Variants in PBX1 observed in about 807,000 individuals in gnomAD.
PBX1 encodes the protein PBX homeobox 1.
Under a neutral mutation model 53.4 loss-of-function variants are expected in PBX1, and 6 were observed. The ratio of observed to expected loss-of-function variants is 0.11; its 90% CI spans 0.06 to 0.22. The LOEUF is 0.22. Among genes scored for constraint, PBX1 ranks in the 10% least tolerant of loss-of-function variants. The probability of loss-of-function intolerance (pLI) is 1.00; values close to 1 mark genes in which losing one functional copy is unlikely to be tolerated. For synonymous variants in PBX1, 204 were observed against 212.3 expected (o/e 0.96, Z 0.34); for missense variants, 251 against 551.4 (o/e 0.46, Z 5.46).
chr1:164,848,764 G>T lies in PBX1; in HGVS notation c.*2088G>T. ...AGGGAGAAGTATGAGACCCTGAGGGGTGAGAATGGGCAGCTAGCAAGAACA... is the reference window on the plus strand; with the variant it reads ...AGGGAGAAGTATGAGACCCTGAGGGTTGAGAATGGGCAGCTAGCAAGAACA... On this transcript the variant is annotated 3_prime_UTR_variant, in exon 9 of 9. Coordinates refer to ENST00000420696, the MANE Select transcript of PBX1 (RefSeq NM_002585.4). 9.4e-7 allele frequency: 1 copy of T among 1,060,854 alleles called. No individual in the cohort carries two copies. Among genetic ancestry groups the T allele is most frequent in the South Asian group, 4.6e-5 (1 of 21,942 alleles). 65.7% of individuals were successfully genotyped at this position (1,060,854 alleles called of 1,614,324 possible). A position where few individuals can be genotyped will look rare whatever the true frequency, so the allele number is the denominator to read the frequency against.
intron 2 of PBX1, among the ~76,000 whole-genome samples, chr1:164,866,446 A>G (rs1236872942): frequency 6.6e-6 from 1 of 152,252 alleles, no homozygotes; most frequent in Admixed American, 6.5e-5. Context: ...TGGTGACAAC[A>G]TAGGACAGCA....
chr1:164,680,122 G>A (rs931237829), intron 2 of PBX1: 13 of 152,180 alleles, frequency 8.5e-5, no homozygotes, highest in African/African-American at 2.9e-4. Flanking sequence ...ATAGCTATAT[G>A]TTGGTAGGAT....
At chr1:164,855,875 T>C (rs1008274607), downstream of PBX1, among the ~76,000 whole-genome samples, 4 of 152,224 alleles carry the variant, frequency 2.6e-5, no homozygotes, top group Admixed American at 1.3e-4. Context: ...TATTCATGTC[T>C]TTGTGAAAAA....
chr1:164,682,393 C>A (rs889092334), intron 2 of PBX1: 19 of 152,152 alleles, frequency 1.2e-4, no homozygotes, highest in African/African-American at 4.6e-4. Flanking sequence ...CATCCGTCTG[C>A]TGAGTAAATG....
chr1:164,563,854 G>T (rs12040395), intron 2 of PBX1: 6,479 of 152,346 alleles, frequency 0.043, 289 homozygotes, highest in East Asian at 0.2. Flanking sequence ...TGATTTTATT[G>T]CAGGGAGAAT....
At chr1:164,774,998 T>C (rs1478980121) in intron 2 of PBX1, among the ~76,000 whole-genome samples, 1 of 152,214 alleles carries the variant, frequency 6.6e-6, no homozygotes, top group African/African-American at 2.4e-5. Context: ...GGTGTGTGCT[T>C]CATGCCTAGC....
chr1:164,676,516 A>G (rs1571201675), intron 2 of PBX1, among the ~76,000 whole-genome samples: 1 of 152,188 alleles, frequency 6.6e-6, no homozygotes, highest in Non-Finnish European at 1.5e-5. Flanking sequence ...TAAGGATAGG[A>G]TACAAAATCT....
chr1:164,687,102 C>G (rs1271264723), intron 2 of PBX1, among the ~76,000 whole-genome samples: 1 of 152,174 alleles, frequency 6.6e-6, no homozygotes, highest in Non-Finnish European at 1.5e-5. Flanking sequence ...GGGTGGACAA[C>G]AGCCATAGTT....
At chr1:164,663,185 C>T (rs1298926443) in intron 2 of PBX1, among the ~76,000 whole-genome samples, 2 of 151,356 alleles carry the variant, frequency 1.3e-5, no homozygotes, top group African/African-American at 4.9e-5. Context: ...TGCCTTCCTT[C>T]CTGTCTTCCT....
intron 2 of PBX1, among the ~76,000 whole-genome samples, chr1:164,884,224 G>T (rs1305935332): frequency 6.6e-6 from 1 of 152,138 alleles, no homozygotes; most frequent in East Asian, 1.9e-4. Flanking sequence ...TTCTTAAAAA[G>T]AAATTATAAA....
chr1:164,610,318 C>G (rs991469779), intron 2 of PBX1, among the ~76,000 whole-genome samples: 1 of 152,144 alleles, frequency 6.6e-6, no homozygotes. Flanking sequence ...GGGGCTGGTT[C>G]CAGGGCTCTG....
At chr1:164,627,153 T>A (rs1470015632) in intron 2 of PBX1, among the ~76,000 whole-genome samples, 1 of 152,136 alleles carries the variant, frequency 6.6e-6, no homozygotes, top group Non-Finnish European at 1.5e-5. Flanking sequence ...TTCAGCAAAA[T>A]GTACTTGGAG....
intron 2 of PBX1, among the ~76,000 whole-genome samples, chr1:164,612,513 A>G (rs1444665262): frequency 6.6e-6 from 1 of 152,178 alleles, no homozygotes; most frequent in African/African-American, 2.4e-5. Flanking sequence ...GGGAATAGAA[A>G]GGGAAACTGG....
chr1:164,822,972 A>T, intron 8 of PBX1, among the ~76,000 whole-genome samples: 1 of 152,288 alleles, frequency 6.6e-6, no homozygotes, highest in Middle Eastern at 3.4e-3. Context: ...GAAGTCAGGC[A>T]GCAGATTTTG....
At chr1:164,563,898 A>G (rs1050429079) in intron 2 of PBX1, 1 of 152,130 alleles carries the variant, frequency 6.6e-6, no homozygotes, top group Non-Finnish European at 1.5e-5. Context: ...GCCATGAGAT[A>G]ATTCACTCTG....
chr1:164,818,738 T>C (rs937922199), intron 6 of PBX1: 1 of 152,002 alleles, frequency 6.6e-6, no homozygotes, highest in Non-Finnish European at 1.5e-5. Context: ...ATAGCCTAGA[T>C]AGATACCATA....
intron 2 of PBX1, among the ~76,000 whole-genome samples, chr1:164,879,193 G>C (rs1182671812): frequency 6.6e-6 from 1 of 151,242 alleles, no homozygotes; most frequent in African/African-American, 2.4e-5. Context: ...TGGAACAGAG[G>C]GAGAAAAATT....
chr1:164,601,780 G>C (rs1311919481), intron 2 of PBX1, among the ~76,000 whole-genome samples: 1 of 152,198 alleles, frequency 6.6e-6, no homozygotes, highest in Admixed American at 6.5e-5. Context: ...ATACTGTGAA[G>C]ATGAGACCCC....
intron 2 of PBX1, among the ~76,000 whole-genome samples, chr1:164,750,708 C>T (rs1358596791): frequency 6.6e-6 from 1 of 152,080 alleles, no homozygotes; most frequent in Non-Finnish European, 1.5e-5. Context: ...TTTTAAAAAC[C>T]ATTTCTTATG....
Sources: gnomAD v4.1 joint callset for allele counts (sites outside exome capture counted in the v4.1 genomes callset) on GRCh38, gnomAD v4.1.1 for gene constraint, MANE v1.5 for transcripts, NCBI Gene and HGNC (gene_info 2026-07-23, HGNC 2026-07-21) for gene names.